The following PCLAF variants were observed in gnomAD, a reference collection of about 807,000 sequenced individuals.
The protein encoded by PCLAF is PCNA clamp associated factor.
PCLAF carries 12 observed loss-of-function variants against 15.1 expected under a neutral mutation model. The ratio of observed to expected loss-of-function variants is 0.79; its 90% CI spans 0.51 to 1.29. The LOEUF (loss-of-function observed/expected upper bound fraction) is 1.29. Among genes scored for constraint, PCLAF ranks in the 50% most tolerant of loss-of-function variants. PCLAF has a pLI of 0.00. For synonymous variants in PCLAF, 33 were observed against 47.1 expected, an observed-to-expected ratio of 0.70 and a Z score of 1.22; for missense variants, 116 against 130.9, an observed-to-expected ratio of 0.89 and a Z score of 0.56.
chr15:64,377,073 C>T (rs1899624390), intron 2 of PCLAF, among the ~76,000 whole-genome samples, 168 bp from the exon 3 acceptor site: 1 of 151,948 alleles, frequency 6.6e-6, no homozygotes, highest in Non-Finnish European at 1.5e-5. Context: ...AAGCTGTATT[C>T]CACCAATAAA....
chr15:64,376,879 G>A lies in PCLAF; in HGVS notation c.154C>T (p.Pro52Ser). The A allele has an allele frequency of 6.2e-7, 1 of 1,613,472 alleles. No homozygotes were observed. The highest frequency in any genetic ancestry group is 8.5e-7 in the Non-Finnish European group (1 of 1,179,744). The stretch of plus-strand genomic sequence containing the variant: ...TTGGGAGTTGGGCGCACGCAAACGG[G>A]GTTCCCTCCTGCATATTTATTTTCA... ...KAENKYAGGNPVCVRPTPKWQ... is the reference protein window; with the variant it reads ...KAENKYAGGNSVCVRPTPKWQ... The change falls in exon 3 of 4, where the codon CCC becomes TCC. Residue 52 changes from proline to serine, a missense_variant. Physicochemically the swap from Pro to Ser is moderately conservative, Grantham distance 74. Coordinates refer to ENST00000300035, the MANE Select transcript of PCLAF (RefSeq NM_014736.6).
chr15:64,378,982 A>G (rs1899727115), intron 2 of PCLAF, among the ~76,000 whole-genome samples: 2 of 152,128 alleles, frequency 1.3e-5, no homozygotes, highest in Non-Finnish European at 2.9e-5. Context: ...GACCTTTATC[A>G]AGTTATATAA....
At chr15:64,383,445 C>A (rs1351866452), upstream of PCLAF, among the ~76,000 whole-genome samples, 1 of 151,740 alleles carries the variant, frequency 6.6e-6, no homozygotes, top group African/African-American at 2.4e-5. Context: ...CGGCTCACTG[C>A]AATCTCCGCC....
rs184971235 is a variant in PCLAF at position 64,372,744 on chromosome 15, C to T, written c.290+3999G>A. ...ATCCCAGCACTTTGGGAGGCCGAGG[C>T]GGGCAGATCACAAGGTCAGGAGATC... On this transcript the variant is annotated intron_variant, in intron 3 of 3. Transcript: ENST00000300035. 4.1e-3 allele frequency among the ~76,000 whole-genome samples: 630 copies of T among 152,096 alleles called. 1 individual carries two copies. Among genetic ancestry groups the T allele is most frequent in the African/African-American group, 0.015 (620 of 41,490 alleles).
In PCLAF at chr15:64,365,241, A is replaced by T. The variant is rs573151890; in HGVS notation, c.*789T>A. The T allele has an allele frequency of 6.6e-6, 1 of 152,144 alleles. No individual in the cohort carries two copies. Among genetic ancestry groups the T allele is most frequent in the East Asian group, 1.9e-4 (1 of 5,152 alleles). 9.4% of individuals were successfully genotyped at this position (152,144 alleles called of 1,614,324 possible). ...ATGGTCTCGATCTCCTGACCTCATG[A>T]TCCACCCGCCTCGGCCTCCCAGAGT... On this transcript the variant is annotated 3_prime_UTR_variant, in exon 4 of 4. Coordinates refer to ENST00000300035, the MANE Select transcript of PCLAF (RefSeq NM_014736.6).
chr15:64,380,908 G>C, intron 2 of PCLAF, 50 bp downstream of exon 2: 1 of 1,491,300 alleles, frequency 6.7e-7, no homozygotes, highest in African/African-American at 1.4e-5. Flanking sequence ...CAAGCCAGGG[G>C]CTTGCAGGTG....
At chr15:64,387,662 C>T in exon 1 of PCLAF, 1 of 1,411,446 alleles carries the variant, frequency 7.1e-7, no homozygotes, top group Non-Finnish European at 9.2e-7. Context: ...GAGCTCGACT[C>T]CGGAGGGCAC....
chr15:64,364,736 G>C lies in PCLAF; in HGVS notation c.*1294C>G, dbSNP rs1898963721. 6.7e-6 allele frequency: 1 copy of C among 149,620 alleles called. No homozygotes were observed. Among genetic ancestry groups the C allele is most frequent in the Admixed American group, 6.7e-5 (1 of 14,996 alleles). The allele number at this position is 149,620 out of a possible 1,614,324, so 9.3% of individuals were successfully genotyped here. A position where few individuals can be genotyped will look rare whatever the true frequency, so the allele number is the denominator to read the frequency against. ...TTGTCTCACTCTGTTGTTCAGGCTG[G>C]AGTGCAGTGGCACAATCTGGGCTCA... On this transcript the variant is annotated 3_prime_UTR_variant, in exon 4 of 4. Coordinates refer to ENST00000300035, the MANE Select transcript of PCLAF (RefSeq NM_014736.6).
At chr15:64,373,832 C>G in intron 3 of PCLAF, 1 of 1,445,486 alleles carries the variant, frequency 6.9e-7, no homozygotes, top group Non-Finnish European at 9.3e-7. Context: ...TGACATCACT[C>G]CCTTTCCTCC....
intron 2 of PCLAF, among the ~76,000 whole-genome samples, chr15:64,377,655 A>C (rs1339267901): frequency 6.8e-6 from 1 of 146,900 alleles, no homozygotes; most frequent in Middle Eastern, 3.2e-3. Context: ...AAGCACATAT[A>C]AGAGGCAATG....
intron 2 of PCLAF, among the ~76,000 whole-genome samples, chr15:64,380,464 T>C (rs1206499068): frequency 6.6e-6 from 1 of 152,074 alleles, no homozygotes; most frequent in Admixed American, 6.6e-5. Flanking sequence ...CTCATGCCTG[T>C]AATCCCAGTA....
chr15:64,370,965 T>A (rs544228497), intron 3 of PCLAF, among the ~76,000 whole-genome samples: 5 of 116,812 alleles, frequency 4.3e-5, no homozygotes, highest in African/African-American at 1.5e-4. Context: ...TATTTCATGT[T>A]CTTTTTTTTT....
At chr15:64,387,418 T>C in intron 1 of PCLAF, 1 of 1,141,606 alleles carries the variant, frequency 8.8e-7, no homozygotes, top group Non-Finnish European at 1.1e-6. Flanking sequence ...AATTAAAAAA[T>C]TAAAACCACC....
intron 2 of PCLAF, 141 bp from the exon 3 acceptor site, chr15:64,377,046 G>C (rs1456535303): frequency 1.5e-6 from 1 of 657,686 alleles, no homozygotes; most frequent in Non-Finnish European, 2.5e-6. Flanking sequence ...TAAAGAATTA[G>C]AAAATGTGAC....
chr15:64,387,382 A>AAAAT, intron 1 of PCLAF: 3 of 935,556 alleles, frequency 3.2e-6, no homozygotes, highest in African/African-American at 3.6e-5. Context: ...ACTCCGTCTC[A>AAAAT]AAATAAATAA....
rs1052159702 is a variant in PCLAF, at chr15:64,365,063, C to A, written c.*967G>T. On this transcript the variant is annotated 3_prime_UTR_variant, in exon 4 of 4. Coordinates refer to ENST00000300035, the MANE Select transcript of PCLAF (RefSeq NM_014736.6). ...CAAGCCGGACTGCCGACTGCAGTGG[C>A]GCAATCTCGGCTCACTGCAAGCTCC... 7.1e-6 allele frequency: 1 copy of A among 141,338 alleles called. No homozygotes were observed. Among genetic ancestry groups the A allele is most frequent in the Non-Finnish European group, 1.5e-5 (1 of 66,846 alleles). The allele number at this position is 141,338 out of a possible 1,614,324, so 8.8% of individuals were successfully genotyped here.
chr15:64,373,529 A>G, intron 3 of PCLAF: 2 of 1,201,264 alleles, frequency 1.7e-6, no homozygotes, highest in Non-Finnish European at 2.2e-6. Context: ...GGCAAGCAAG[A>G]CCACAAGGAG....
chr15:64,379,566 C>T (rs892099772), intron 2 of PCLAF, among the ~76,000 whole-genome samples: 3 of 152,094 alleles, frequency 2.0e-5, no homozygotes, highest in African/African-American at 7.2e-5. Flanking sequence ...TCATCAACTT[C>T]TATTTCCTTT....
chr15:64,382,906 T>A (rs985660521), upstream of PCLAF: 1 of 203,642 alleles, frequency 4.9e-6, no homozygotes, highest in South Asian at 6.0e-5. Flanking sequence ...GCAGGAGAAT[T>A]CCTTGAACCC....
Sources: gnomAD v4.1 joint callset for allele counts (sites outside exome capture counted in the v4.1 genomes callset) on GRCh38, gnomAD v4.1.1 for gene constraint, MANE v1.5 for transcripts, NCBI Gene and HGNC (gene_info 2026-07-23, HGNC 2026-07-21) for gene names.